The following ZER1 variants were observed in gnomAD, a reference collection of about 807,000 sequenced individuals.
ZER1 encodes zyg-11 related cell cycle regulator.
A neutral mutation model predicts 78.8 loss-of-function variants in ZER1; 11 were observed. The observed-to-expected ratio is 0.14, with a 90% CI of 0.09 to 0.23. ZER1 has a LOEUF of 0.23. ZER1 is among the 10% of genes least tolerant of loss of function. The pLI, the probability that ZER1 is intolerant of heterozygous loss-of-function variation, is 1.00. For synonymous variants in ZER1, 400 were observed against 407.0 expected (o/e 0.98, Z 0.21); for missense variants, 588 against 996.9 (o/e 0.59, Z 5.52).
intron 1 of ZER1, among the ~76,000 whole-genome samples, chr9:128,760,424 A>C (rs2132471557): frequency 6.6e-6 from 1 of 151,960 alleles, no homozygotes; most frequent in East Asian, 2.0e-4. Flanking sequence ...GGATGGTCTC[A>C]ATCTCCTGAC....
In ZER1 at chr9:128,753,191, C is replaced by T. The variant is rs764594357; in HGVS notation, c.719G>A (p.Arg240Gln). The change falls in exon 4 of 16, where the codon CGG (arginine) becomes CAG (glutamine). Residue 240 changes from arginine to glutamine, a missense_variant. Arg to Gln is a conservative substitution (Grantham distance 43). Around this residue, in one of 3 missense-constraint regions of ZER1, gnomAD observed 406 missense variants for 660.1 expected, o/e 0.62. Transcript: ENST00000291900. This position sits in a 1 kb window ranked among gnomAD's most constrained non-coding sequence, Gnocchi z 7.5. ...CAGCTTGTGCAGCTGCACGATGACC[C>T]GGATGTGGTCGTCGGACAGGTCCAT... ...YNMDLSDDHI[R>Q]VIVQLHKLRH... is the part of the protein sequence containing the mutation. The T allele has an allele frequency of 1.9e-5, 30 of 1,561,402 alleles. 1 individual carries two copies. The South Asian group carries it at 2.2e-4, about 12-fold the overall frequency.
Position 128,755,622 on chromosome 9 carries a change from T to C in ZER1, c.-57A>G, listed in dbSNP as rs1181104401. On this transcript the variant is annotated 5_prime_UTR_variant, in exon 2 of 16. Transcript: ENST00000291900. The surrounding 1 kb of genome is among the most constrained non-coding windows in gnomAD (Gnocchi z 5.6). ...CAAGGATCCCCAGGGGCAACAGTGA[T>C]TCCTGAATACTCACAGGATCATTGG... 2.5e-6 allele frequency: 4 copies of C among 1,584,354 alleles called. No homozygotes were observed. In the African/African-American group the frequency reaches 5.4e-5, roughly 21 times the overall value.
chr9:128,741,642 T>G lies in ZER1; in HGVS notation c.1630A>C (p.Met544Leu). ...KLLDKTCDQV[M>L]EFSWSALWNI... ...CACAGGGCACTCCAGGAGAACTCCA[T>G]GACCTGGTCACACTGTGAGGGCAGG... The change falls in exon 11 of 16, where the codon ATG (methionine) becomes CTG (leucine). Residue 544 changes from methionine to leucine, a missense_variant. Around this residue, in one of 3 missense-constraint regions of ZER1, gnomAD observed 60 missense variants for 163.3 expected, o/e 0.37. Transcript: ENST00000291900. The G allele has an allele frequency of 6.2e-7, 1 of 1,614,156 alleles. No homozygotes were observed. The highest frequency in any genetic ancestry group is 1.1e-5 in the South Asian group (1 of 91,086).
intron 8 of ZER1, among the ~76,000 whole-genome samples, chr9:128,748,260 C>T (rs536692465): frequency 5.9e-5 from 9 of 151,994 alleles, no homozygotes; most frequent in East Asian, 2.0e-4. Context: ...AAAAACTTAG[C>T]GTGGCAGGGT....
At chr9:128,749,515 T>C (rs1005518911) in intron 8 of ZER1, among the ~76,000 whole-genome samples, 3 of 148,722 alleles carry the variant, frequency 2.0e-5, no homozygotes, top group African/African-American at 7.4e-5. Context: ...TGGCACATGC[T>C]TGTAATCCCA....
chr9:128,734,532 C>A (rs1332438824), intron 14 of ZER1, among the ~76,000 whole-genome samples: 1 of 151,312 alleles, frequency 6.6e-6, no homozygotes, highest in Non-Finnish European at 1.5e-5. Context: ...CAGGGTTGCG[C>A]TGTGTTGCCT....
intron 1 of ZER1, among the ~76,000 whole-genome samples, chr9:128,768,003 C>T (rs748761618): frequency 1.1e-4 from 16 of 152,190 alleles, no homozygotes; most frequent in Non-Finnish European, 2.1e-4. Flanking sequence ...GAGTGGCACA[C>T]GCTGTGTTGC....
rs373669385 is a variant in ZER1, at chr9:128,755,548, G to T, written c.18C>A (p.Pro6=). 1 of 1,613,330 alleles carries T rather than the reference G, an allele frequency of 6.2e-7. No individual in the cohort carries two copies. Among genetic ancestry groups the T allele is most frequent in the South Asian group, 1.1e-5 (1 of 91,068 alleles). MASDT[P]ESLMALCTDF... is the part of the protein sequence containing the mutation. ...CAGTACAGAGGGCCATCAGCGACTCGGGAGTGTCGGACGCCATGCTGGGGG... is the reference window on the plus strand; with the variant it reads ...CAGTACAGAGGGCCATCAGCGACTCTGGAGTGTCGGACGCCATGCTGGGGG... Residue 6 remains proline (P), a synonymous_variant, in exon 2 of 16, where the codon CCC becomes CCA. Coordinates refer to ENST00000291900, the MANE Select transcript of ZER1 (RefSeq NM_006336.4). The surrounding 1 kb of genome is among the most constrained non-coding windows in gnomAD (Gnocchi z 5.6).
At chr9:128,761,555 G>C (rs1250564850) in intron 1 of ZER1, among the ~76,000 whole-genome samples, 1 of 149,000 alleles carries the variant, frequency 6.7e-6, no homozygotes, top group African/African-American at 2.5e-5. Flanking sequence ...CAAAATGGTG[G>C]AACTACAGTC....
intron 13 of ZER1, among the ~76,000 whole-genome samples, chr9:128,736,739 C>T (rs1323501985): frequency 2.7e-5 from 4 of 147,412 alleles, no homozygotes; most frequent in Admixed American, 6.8e-5. Context: ...GTGGCATGAT[C>T]ACAGCTCACT....
chr9:128,739,240 T>C (rs1863202836), intron 13 of ZER1, among the ~76,000 whole-genome samples: 1 of 151,848 alleles, frequency 6.6e-6, no homozygotes, highest in African/African-American at 2.4e-5. Context: ...CAGTGGCTCA[T>C]GCCTGTAATC....
At chr9:128,748,873 A>C (rs1456548004) in intron 8 of ZER1, among the ~76,000 whole-genome samples, 1 of 145,300 alleles carries the variant, frequency 6.9e-6, no homozygotes, top group Non-Finnish European at 1.5e-5. Flanking sequence ...TGGCCAGCTA[A>C]TTTTTGTATT....
chr9:128,741,433 T>A (rs1863288249), intron 11 of ZER1, 102 bp downstream of exon 11: 1 of 1,540,644 alleles, frequency 6.5e-7, no homozygotes, highest in Admixed American at 1.7e-5. Context: ...CCAGGAAGCA[T>A]GGGTGAGGGG....
In ZER1 at chr9:128,754,086, G is replaced by T; in HGVS notation, c.159-127C>A. The T allele has an allele frequency of 1.6e-6, 2 of 1,216,754 alleles. No individual in the cohort carries two copies. The highest frequency in any genetic ancestry group is 2.3e-6 in the Non-Finnish European group (2 of 878,136). The allele number at this position is 1,216,754 out of a possible 1,614,324, so 75.4% of individuals were successfully genotyped here. ...AAGTAGCAACCTCCTTCTCCTAAGAGTATCTGGTCAGATCCTGACTAAACT... is the reference window on the plus strand; with the variant it reads ...AAGTAGCAACCTCCTTCTCCTAAGATTATCTGGTCAGATCCTGACTAAACT... On this transcript the variant is annotated intron_variant, in intron 2 of 15. Transcript: ENST00000291900. The surrounding 1 kb of genome is among the most constrained non-coding windows in gnomAD (Gnocchi z 4.3).
In ZER1 at chr9:128,755,202, C is replaced by T. The variant is rs1199540380; in HGVS notation, c.158+206G>A. On this transcript the variant is annotated intron_variant, in intron 2 of 15. Transcript: ENST00000291900. The surrounding 1 kb of genome is among the most constrained non-coding windows in gnomAD (Gnocchi z 5.6). ...GCCTTCACGTGCACACCCCTCCACACACACACCAACACACACACATATACA... is the reference window on the plus strand; with the variant it reads ...GCCTTCACGTGCACACCCCTCCACATACACACCAACACACACACATATACA... Among the ~76,000 whole-genome samples, 1 of 152,178 alleles carries T rather than the reference C, an allele frequency of 6.6e-6. No individual in the cohort carries two copies. The highest frequency in any genetic ancestry group is 1.5e-5 in the Non-Finnish European group (1 of 68,034).
chr9:128,759,059 C>T (rs566443110), intron 1 of ZER1, among the ~76,000 whole-genome samples: 7 of 151,090 alleles, frequency 4.6e-5, no homozygotes, highest in South Asian at 2.1e-4. Flanking sequence ...TGCAGTGGCG[C>T]GATCTCGGCT....
intron 14 of ZER1, among the ~76,000 whole-genome samples, chr9:128,734,498 AATT>A (rs1862991986): frequency 6.7e-6 from 1 of 150,126 alleles, no homozygotes; most frequent in South Asian, 2.1e-4. Context: ...CACCCGGACT[AATT>A]TTTTTTTTTT....
rs186789396 is a variant in ZER1, at chr9:128,732,323, G to A, written c.2244-929C>T. Among the ~76,000 whole-genome samples, 62 of 152,232 alleles carry A rather than the reference G, an allele frequency of 4.1e-4. 1 individual carries two copies. Among genetic ancestry groups the A allele is most frequent in the East Asian group, 2.3e-3 (12 of 5,182 alleles). On this transcript the variant is annotated intron_variant, in intron 15 of 15. Coordinates refer to ENST00000291900, the MANE Select transcript of ZER1 (RefSeq NM_006336.4). This position sits in a 1 kb window ranked among gnomAD's most constrained non-coding sequence, Gnocchi z 4.8. ...ATTCCAGGGCCACCTCCCACCTCCC[G>A]GATGTACTGGAAAAGAAAACCTAGG...
intron 15 of ZER1, among the ~76,000 whole-genome samples, chr9:128,731,883 C>G (rs1862837456): frequency 6.6e-6 from 1 of 152,210 alleles, no homozygotes; most frequent in African/African-American, 2.4e-5. Context: ...ACAAGGGCCC[C>G]CACTACCCTG....
Sources: allele counts gnomAD v4.1 joint callset (sites outside exome capture counted in the v4.1 genomes callset), GRCh38; gene constraint gnomAD v4.1.1; regional missense constraint gnomAD v4.1.1; non-coding constraint Gnocchi (gnomAD v3.1); transcripts MANE v1.5; gene names NCBI Gene and HGNC (gene_info 2026-07-23, HGNC 2026-07-21).